The following GRIK1 variants were observed in gnomAD, a reference collection of about 807,000 sequenced individuals.
GRIK1 encodes the protein glutamate receptor ionotropic, kainate 1.
Under a neutral mutation model 105.7 loss-of-function variants are expected in GRIK1, and 69 were observed. The ratio of observed to expected loss-of-function variants is 0.65; its 90% CI spans 0.54 to 0.80. The LOEUF (loss-of-function observed/expected upper bound fraction) is 0.80, where lower values mean the gene tolerates loss of function less well. Ranked by LOEUF, GRIK1 falls within the 30% of genes least tolerant of loss-of-function variation. The pLI is 0.00. For synonymous variants in GRIK1, 438 were observed against 431.3 expected, an observed-to-expected ratio of 1.02 and a Z score of -0.19; for missense variants, 1,109 against 1,167.3, an observed-to-expected ratio of 0.95 and a Z score of 0.73.
At chr21:29,703,850 G>C (rs531331461) in intron 1 of GRIK1, among the ~76,000 whole-genome samples, 2 of 152,252 alleles carry the variant, frequency 1.3e-5, no homozygotes, top group East Asian at 3.9e-4. Flanking sequence ...GGGAGAATGG[G>C]GTTTGATGTC....
chr21:29,656,802 C>A (rs1222358926), intron 4 of GRIK1, among the ~76,000 whole-genome samples: 1 of 152,176 alleles, frequency 6.6e-6, no homozygotes, highest in Non-Finnish European at 1.5e-5. Flanking sequence ...TGCATGAACA[C>A]CAGTCCTACA....
At chr21:29,715,400 C>T (rs1043645935) in intron 1 of GRIK1, among the ~76,000 whole-genome samples, 90 of 152,036 alleles carry the variant, frequency 5.9e-4, no homozygotes, top group African/African-American at 2.1e-3. Flanking sequence ...TAGGATGAGG[C>T]AAGGAGGCAT....
intron 1 of GRIK1, among the ~76,000 whole-genome samples, chr21:29,883,714 C>T (rs1347670230): frequency 5.3e-5 from 8 of 151,964 alleles, no homozygotes; most frequent in Non-Finnish European, 2.9e-5. Context: ...GACTGGTTTA[C>T]AATGATAGTT....
chr21:29,557,126 C>T (rs1180510341), intron 15 of GRIK1, among the ~76,000 whole-genome samples: 1 of 152,164 alleles, frequency 6.6e-6, no homozygotes, highest in East Asian at 1.9e-4. Flanking sequence ...TTAATCAATG[C>T]AAAGGAAGAG....
intron 1 of GRIK1, among the ~76,000 whole-genome samples, chr21:29,830,224 T>A (rs2067587017): frequency 6.6e-6 from 1 of 151,922 alleles, no homozygotes; most frequent in Non-Finnish European, 1.5e-5. Flanking sequence ...TGTGTGAGAG[T>A]GTCTGTGTGT....
intron 13 of GRIK1, among the ~76,000 whole-genome samples, chr21:29,578,456 G>A (rs751954249): frequency 1.3e-5 from 2 of 152,096 alleles, no homozygotes; most frequent in Non-Finnish European, 2.9e-5. Context: ...ATGCAAATAC[G>A]GCTCAGGAAA....
intron 1 of GRIK1, among the ~76,000 whole-genome samples, chr21:29,695,518 A>T (rs2063685368): frequency 6.6e-6 from 1 of 151,836 alleles, no homozygotes; most frequent in Admixed American, 6.6e-5. Flanking sequence ...TCTGTTGCCC[A>T]GGCTGGAGGG....
chr21:29,760,815 T>C (rs896920999), intron 1 of GRIK1, among the ~76,000 whole-genome samples: 3 of 152,182 alleles, frequency 2.0e-5, no homozygotes, highest in African/African-American at 7.2e-5. Flanking sequence ...TGTACCTCTG[T>C]AGATCTGTAG....
intron 1 of GRIK1, among the ~76,000 whole-genome samples, chr21:29,933,104 T>C (rs183999191): frequency 3.3e-5 from 5 of 152,240 alleles, no homozygotes; most frequent in African/African-American, 9.6e-5. Context: ...GCATGCAAAA[T>C]ATCTGCCACC....
intron 1 of GRIK1, among the ~76,000 whole-genome samples, chr21:29,756,313 A>G (rs748130807): frequency 6.6e-5 from 10 of 152,228 alleles, no homozygotes; most frequent in East Asian, 1.9e-4. Context: ...CCGGGGAGGC[A>G]GAGCTTGCAG....
At chr21:29,863,168 G>A (rs1315243640) in intron 1 of GRIK1, among the ~76,000 whole-genome samples, 1 of 152,204 alleles carries the variant, frequency 6.6e-6, no homozygotes, top group Non-Finnish European at 1.5e-5. Flanking sequence ...TAACTGAACA[G>A]TATATGTGTG....
chr21:29,666,066 A>G (rs1266184451), intron 4 of GRIK1, among the ~76,000 whole-genome samples: 1 of 152,196 alleles, frequency 6.6e-6, no homozygotes, highest in African/African-American at 2.4e-5. Context: ...ATACCTATAT[A>G]AAAAACCTGC....
At chr21:29,774,132 CA>C (rs1238966525) in intron 1 of GRIK1, among the ~76,000 whole-genome samples, 1 of 152,108 alleles carries the variant, frequency 6.6e-6, no homozygotes, top group Non-Finnish European at 1.5e-5. Context: ...TCTTATTCTG[CA>C]GAGAATTATA....
chr21:29,822,300 A>G (rs575262202), intron 1 of GRIK1, among the ~76,000 whole-genome samples: 14 of 152,126 alleles, frequency 9.2e-5, no homozygotes, highest in African/African-American at 3.4e-4. Flanking sequence ...GACAGAACAA[A>G]TTTGGCTTAT....
intron 1 of GRIK1, among the ~76,000 whole-genome samples, chr21:29,866,705 T>C (rs2068815470): frequency 6.6e-6 from 1 of 152,174 alleles, no homozygotes; most frequent in Admixed American, 6.5e-5. Context: ...TTACGGCATG[T>C]CATTAAAAAG....
At chr21:29,589,448 A>C (rs992998761) in intron 10 of GRIK1, among the ~76,000 whole-genome samples, 1 of 147,796 alleles carries the variant, frequency 6.8e-6, no homozygotes, top group African/African-American at 2.5e-5. Flanking sequence ...TTCTGACGGA[A>C]TCTCACTCTG....
chr21:29,718,230 A>T (rs1221182228), intron 1 of GRIK1, among the ~76,000 whole-genome samples: 1 of 152,178 alleles, frequency 6.6e-6, no homozygotes, highest in East Asian at 1.9e-4. Flanking sequence ...TATAAGCCTA[A>T]TTTTTTAGAA....
At chr21:29,644,694 G>C (rs1053658479) in intron 6 of GRIK1, among the ~76,000 whole-genome samples, 2 of 152,112 alleles carry the variant, frequency 1.3e-5, no homozygotes, top group Non-Finnish European at 1.5e-5. Flanking sequence ...TCATTGCCAG[G>C]GTTTGAGCCT....
intron 1 of GRIK1, among the ~76,000 whole-genome samples, chr21:29,862,553 T>C (rs2068679282): frequency 6.6e-6 from 1 of 152,184 alleles, no homozygotes; most frequent in Non-Finnish European, 1.5e-5. Context: ...CCGCTCCAGC[T>C]CCCCAAAGTC....
Sources: gnomAD v4.1 joint callset for allele counts (sites outside exome capture counted in the v4.1 genomes callset) on GRCh38, gnomAD v4.1.1 for gene constraint, MANE v1.5 for transcripts, NCBI Gene and HGNC (gene_info 2026-07-23, HGNC 2026-07-21) for gene names.